PARN: variants seen among roughly 807,000 people sequenced by gnomAD.
PARN encodes the protein poly(A)-specific ribonuclease PARN.
Under a neutral mutation model 102.8 loss-of-function variants are expected in PARN, and 71 were observed. The observed-to-expected ratio is 0.69, with a 90% confidence interval of 0.57 to 0.84. The LOEUF is 0.84. PARN is among the 40% of genes least tolerant of loss of function. PARN has a pLI of 0.00. For synonymous variants in PARN, 261 were observed against 252.9 expected, an observed-to-expected ratio of 1.03 and a Z score of -0.30; for missense variants, 782 against 760.9, an observed-to-expected ratio of 1.03 and a Z score of -0.33.
chr16:14,570,128 C>T (rs979849370), intron 18 of PARN, among the ~76,000 whole-genome samples: 27 of 151,854 alleles, frequency 1.8e-4, no homozygotes, highest in Middle Eastern at 3.4e-3. Flanking sequence ...ATCACGAGGT[C>T]AGGAGTTCAA....
intron 5 of PARN, among the ~76,000 whole-genome samples, chr16:14,620,167 G>A (rs909932398): frequency 6.6e-6 from 1 of 151,098 alleles, no homozygotes; most frequent in Non-Finnish European, 1.5e-5. Context: ...TACAAGGTCA[G>A]GAGATCGAGA....
intron 11 of PARN, among the ~76,000 whole-genome samples, chr16:14,601,542 C>G (rs1358772872): frequency 2.0e-5 from 3 of 152,098 alleles, no homozygotes; most frequent in Non-Finnish European, 4.4e-5. Flanking sequence ...GATTGCACAG[C>G]AATGTTAAAC....
intron 18 of PARN, among the ~76,000 whole-genome samples, chr16:14,561,171 AAAAAG>A (rs1218836119): frequency 6.6e-5 from 10 of 152,022 alleles, no homozygotes; most frequent in African/African-American, 1.9e-4. Context: ...AAAAAAAAAA[AAAAAG>A]AAAAGGGCGG....
chr16:14,597,670 GT>G, intron 12 of PARN, among the ~76,000 whole-genome samples: 1 of 151,362 alleles, frequency 6.6e-6, no homozygotes, highest in Middle Eastern at 3.4e-3. Context: ...GCGCTCCAGC[GT>G]GGGCGACAAA....
chr16:14,541,119 CTTTT>C (rs34336313), intron 21 of PARN, among the ~76,000 whole-genome samples: 2 of 126,306 alleles, frequency 1.6e-5, no homozygotes, highest in East Asian at 2.3e-4. Flanking sequence ...GGCGAAACAT[CTTTT>C]TTTTTTTTTT....
intron 23 of PARN, among the ~76,000 whole-genome samples, chr16:14,441,583 TAAG>T (rs1960945223): frequency 6.6e-6 from 1 of 152,160 alleles, no homozygotes; most frequent in African/African-American, 2.4e-5. Flanking sequence ...TTTCCCACAC[TAAG>T]AAGGTGAGCC....
Position 14,436,645 on chromosome 16 carries a change from C to T in PARN, c.*72G>A, listed in dbSNP as rs369729509. 85 of 1,100,200 alleles carry T rather than the reference C, an allele frequency of 7.7e-5. No individual in the cohort carries two copies. The highest frequency in any genetic ancestry group is 3.8e-4 in the East Asian group (15 of 39,284). The allele number at this position is 1,100,200 out of a possible 1,614,324, so 68.2% of individuals were successfully genotyped here. ...ACATTTGATTAAGTTAAATACAGTG[C>T]GGCTTCCAAATGTGCCAGCCGGCTC... On this transcript the variant is annotated 3_prime_UTR_variant, in exon 24 of 24. Transcript: ENST00000437198.
chr16:14,588,556 T>C (rs1360790256), intron 13 of PARN, among the ~76,000 whole-genome samples: 2 of 152,192 alleles, frequency 1.3e-5, no homozygotes, highest in African/African-American at 4.8e-5. Flanking sequence ...CATTTTCCTC[T>C]TGCCTTGCTG....
At chr16:14,507,773 G>A (rs769633026) in intron 21 of PARN, among the ~76,000 whole-genome samples, 1 of 152,082 alleles carries the variant, frequency 6.6e-6, no homozygotes, top group Non-Finnish European at 1.5e-5. Flanking sequence ...AGAGGTTTGA[G>A]AGTAATAAAA....
intron 10 of PARN, among the ~76,000 whole-genome samples, chr16:14,604,735 C>A (rs1040970190): frequency 3.3e-5 from 5 of 152,098 alleles, no homozygotes; most frequent in Admixed American, 3.3e-4. Flanking sequence ...CCTGCCTCAG[C>A]CTCCAGAGTA....
At chr16:14,508,094 T>G (rs896585609) in intron 21 of PARN, among the ~76,000 whole-genome samples, 4 of 152,272 alleles carry the variant, frequency 2.6e-5, no homozygotes, top group African/African-American at 9.6e-5. Context: ...CCAAATTTTC[T>G]GTCATAAATA....
chr16:14,468,517 T>C (rs1020342269), intron 22 of PARN, among the ~76,000 whole-genome samples: 1 of 152,124 alleles, frequency 6.6e-6, no homozygotes, highest in African/African-American at 2.4e-5. Flanking sequence ...TTGTATAGGA[T>C]GGTCCCCAGT....
At chr16:14,470,739 A>T (rs572921698) in intron 22 of PARN, among the ~76,000 whole-genome samples, 2 of 152,274 alleles carry the variant, frequency 1.3e-5, no homozygotes, top group South Asian at 4.2e-4. Flanking sequence ...GATTATAGGC[A>T]TGAGGCATCT....
chr16:14,470,439 T>TTATTAG (rs1555481638), intron 22 of PARN, among the ~76,000 whole-genome samples: 1 of 102,972 alleles, frequency 9.7e-6, no homozygotes, highest in Admixed American at 9.6e-5. Flanking sequence ...GTTTGGATGA[T>TTATTAG]TATTATTATT....
intron 21 of PARN, among the ~76,000 whole-genome samples, chr16:14,502,177 T>C (rs1964656615): frequency 6.6e-6 from 1 of 152,186 alleles, no homozygotes; most frequent in Non-Finnish European, 1.5e-5. Context: ...GGAAAGCATC[T>C]AAGACTGGAG....
intron 18 of PARN, among the ~76,000 whole-genome samples, chr16:14,568,680 C>G (rs1208052596): frequency 1.3e-5 from 2 of 151,690 alleles, no homozygotes; most frequent in Non-Finnish European, 2.9e-5. Context: ...GAGGCTGAGG[C>G]GGGCGGAGAT....
intron 6 of PARN, among the ~76,000 whole-genome samples, chr16:14,615,658 T>C (rs1460001484): frequency 1.3e-5 from 2 of 152,150 alleles, no homozygotes; most frequent in East Asian, 3.8e-4. Context: ...CCCAGCACTT[T>C]AAGAGGCAAA....
intron 18 of PARN, among the ~76,000 whole-genome samples, chr16:14,564,717 A>G (rs1968325503): frequency 6.6e-6 from 1 of 152,110 alleles, no homozygotes; most frequent in Non-Finnish European, 1.5e-5. Context: ...CTCTCTTCCT[A>G]GCAAAAGGAA....
Position 14,627,096 on chromosome 16 carries a change from T to C in PARN, c.327+10A>G, listed in dbSNP as rs773687682. The C allele has an allele frequency of 1.4e-5, 21 of 1,505,260 alleles. No individual in the cohort carries two copies. In the South Asian group the frequency reaches 2.2e-4, roughly 16 times the overall value. The allele number at this position is 1,505,260 out of a possible 1,614,324, so 93.2% of individuals were successfully genotyped here. The stretch of plus-strand genomic sequence containing the variant: ...ATTCAGAAAAGAAAAATCTCAATTA[T>C]GCTACTTACCTGACAAACAAATTTG... On this transcript the variant is annotated intron_variant, in intron 5 of 23. Coordinates refer to ENST00000437198, the MANE Select transcript of PARN (RefSeq NM_002582.4).
Sources: gnomAD v4.1 joint callset for allele counts (sites outside exome capture counted in the v4.1 genomes callset) on GRCh38, gnomAD v4.1.1 for gene constraint, MANE v1.5 for transcripts, NCBI Gene and HGNC (gene_info 2026-07-23, HGNC 2026-07-21) for gene names.